Variants in MAP2K5 observed in about 807,000 individuals in gnomAD.
MAP2K5 encodes dual specificity mitogen-activated protein kinase kinase 5.
MAP2K5 carries 49 observed loss-of-function variants against 83.1 expected under a neutral mutation model. That is an observed-to-expected ratio of 0.59 (90% CI 0.47 to 0.75). The LOEUF (loss-of-function observed/expected upper bound fraction) is 0.75. MAP2K5 is among the 30% of genes least tolerant of loss of function. The pLI is 0.00. For synonymous variants in MAP2K5, 202 were observed against 191.8 expected (o/e 1.05, Z -0.44); for missense variants, 457 against 557.5 (o/e 0.82, Z 1.82).
At position 67,806,892 on chromosome 15, in the gene MAP2K5, G is replaced by T; in HGVS notation, c.*142G>T. The T allele has an allele frequency of 6.3e-7, 1 of 1,593,946 alleles. No homozygotes were observed. Among genetic ancestry groups the T allele is most frequent in the Non-Finnish European group, 8.5e-7 (1 of 1,177,974 alleles). On this transcript the variant is annotated 3_prime_UTR_variant, in exon 22 of 22. Coordinates refer to ENST00000178640, the MANE Select transcript of MAP2K5 (RefSeq NM_145160.3). ...CCCTCGCCTTCACCTCTGTCAGCAG[G>T]TGGCCTTGCCTGGGGAGCCCCATGT...
At chr15:67,751,177 C>A (rs920061931) in intron 19 of MAP2K5, among the ~76,000 whole-genome samples, 2 of 151,928 alleles carry the variant, frequency 1.3e-5, no homozygotes, top group African/African-American at 4.8e-5. Context: ...TACCAGATGT[C>A]CAAACAGAAG....
intron 16 of MAP2K5, among the ~76,000 whole-genome samples, chr15:67,716,875 C>G (rs1011188543): frequency 1.3e-5 from 2 of 152,098 alleles, no homozygotes; most frequent in African/African-American, 4.8e-5. Flanking sequence ...CAAGCTTCTC[C>G]CCACTCTGAA....
chr15:67,733,691 C>G (rs1258307781), intron 17 of MAP2K5, among the ~76,000 whole-genome samples: 1 of 152,168 alleles, frequency 6.6e-6, no homozygotes, highest in Non-Finnish European at 1.5e-5. Context: ...ACAGGGCTGT[C>G]AGGCCTGTTA....
intron 13 of MAP2K5, among the ~76,000 whole-genome samples, chr15:67,683,937 A>G (rs991197004): frequency 9.2e-5 from 14 of 152,216 alleles, no homozygotes; most frequent in Non-Finnish European, 1.2e-4. Context: ...GAGAACAGAA[A>G]CAAATGAAGT....
At chr15:67,670,356 G>A (rs2087498105) in intron 13 of MAP2K5, 2 of 453,852 alleles carry the variant, frequency 4.4e-6, no homozygotes, top group African/African-American at 2.0e-5. Flanking sequence ...GAACATTTTG[G>A]TATGTTGGAA....
At chr15:67,639,735 A>G (rs867955116) in intron 9 of MAP2K5, among the ~76,000 whole-genome samples, 1 of 152,200 alleles carries the variant, frequency 6.6e-6, no homozygotes, top group Non-Finnish European at 1.5e-5. Flanking sequence ...ATTATCTTAC[A>G]TGTTTGAATC....
intron 9 of MAP2K5, among the ~76,000 whole-genome samples, chr15:67,645,105 G>T (rs1333733097): frequency 1.3e-5 from 2 of 152,198 alleles, no homozygotes; most frequent in East Asian, 3.9e-4. Flanking sequence ...CCAGGAGACA[G>T]AGGTTGCAGT....
Position 67,728,570 on chromosome 15 carries a change from C to G in MAP2K5, c.1074+625C>G, listed in dbSNP as rs559948245. ...GCTATTTTGTGGTTTGAAAATGATT[C>G]CCCAGTTTGTGGGGGAAATAAGTGA... On this transcript the variant is annotated intron_variant, in intron 17 of 21. Transcript: ENST00000178640. Among the ~76,000 whole-genome samples the G allele has an allele frequency of 1.1e-4, 16 of 152,184 alleles. No individual in the cohort carries two copies. The South Asian group carries it at 3.3e-3, about 32-fold the overall frequency.
intron 8 of MAP2K5, among the ~76,000 whole-genome samples, chr15:67,603,924 AT>A (rs1276686697): frequency 1.3e-5 from 2 of 152,170 alleles, no homozygotes; most frequent in African/African-American, 4.8e-5. Context: ...GGCTTATTCC[AT>A]TTTTTTCTTT....
At chr15:67,718,467 A>T (rs1212028900) in intron 16 of MAP2K5, among the ~76,000 whole-genome samples, 1 of 152,164 alleles carries the variant, frequency 6.6e-6, no homozygotes, top group Non-Finnish European at 1.5e-5. Context: ...ATCATTTTTA[A>T]AAAATTTTTA....
rs1242969484 is a variant in MAP2K5 at position 67,785,421 on chromosome 15, G to T, written c.1242+12669G>T. 1.3e-5 allele frequency among the ~76,000 whole-genome samples: 2 copies of T among 152,214 alleles called. No individual in the cohort carries two copies. The highest frequency in any genetic ancestry group is 3.8e-4 in the East Asian group (2 of 5,204). ...CTACTTGTATCATTGCAGGCCAGCA[G>T]CAAGCAGTTCACAGGACGACTACTT... is the stretch of plus-strand genomic sequence containing the variant. On this transcript the variant is annotated intron_variant, in intron 21 of 21. Coordinates refer to ENST00000178640, the MANE Select transcript of MAP2K5 (RefSeq NM_145160.3). The surrounding 1 kb of genome is among the most constrained non-coding windows in gnomAD (Gnocchi z 4.4).
chr15:67,739,832 A>G (rs1028360788), intron 17 of MAP2K5, among the ~76,000 whole-genome samples: 13 of 152,280 alleles, frequency 8.5e-5, no homozygotes, highest in Admixed American at 3.9e-4. Context: ...TATTGGCTGC[A>G]ATACAACTGA....
At chr15:67,674,572 C>T (rs927276143) in intron 13 of MAP2K5, among the ~76,000 whole-genome samples, 1 of 152,054 alleles carries the variant, frequency 6.6e-6, no homozygotes, top group Non-Finnish European at 1.5e-5. Context: ...ATGAACATCT[C>T]GAGAAATTAA....
chr15:67,635,394 C>G (rs1324701184), intron 9 of MAP2K5, among the ~76,000 whole-genome samples: 3 of 152,114 alleles, frequency 2.0e-5, no homozygotes, highest in Non-Finnish European at 4.4e-5. Context: ...GCAGGATGGT[C>G]TCGAACTCCT....
chr15:67,727,115 A>G (rs1006680878), intron 16 of MAP2K5, among the ~76,000 whole-genome samples: 4 of 152,078 alleles, frequency 2.6e-5, no homozygotes, highest in African/African-American at 9.7e-5. Context: ...CAAGAGAATC[A>G]CTTGAACCCA....
chr15:67,710,143 C>G (rs962288726), intron 16 of MAP2K5, among the ~76,000 whole-genome samples: 1 of 152,118 alleles, frequency 6.6e-6, no homozygotes, highest in South Asian at 2.1e-4. Context: ...ACTACAGGTG[C>G]ACCACCGCAC....
chr15:67,732,961 G>T lies in MAP2K5; in HGVS notation c.1074+5016G>T, dbSNP rs112088622. On this transcript the variant is annotated intron_variant, in intron 17 of 21. Coordinates refer to ENST00000178640, the MANE Select transcript of MAP2K5 (RefSeq NM_145160.3). ...TGTAAGCAGATAGCTCTGTGGGGAG[G>T]GGGGGCTTAACAGCGACTGTGGGCG... 3.9e-5 allele frequency among the ~76,000 whole-genome samples: 6 copies of T among 152,182 alleles called. No individual in the cohort carries two copies. In the South Asian group the frequency reaches 1.2e-3, roughly 32 times the overall value.
At chr15:67,727,433 C>G (rs2089121619) in intron 16 of MAP2K5, among the ~76,000 whole-genome samples, 1 of 152,112 alleles carries the variant, frequency 6.6e-6, no homozygotes, top group Non-Finnish European at 1.5e-5. Flanking sequence ...AAAACTTTAA[C>G]AAATGGATGA....
intron 16 of MAP2K5, among the ~76,000 whole-genome samples, chr15:67,706,913 A>G (rs1336657094): frequency 1.3e-5 from 2 of 152,012 alleles, no homozygotes; most frequent in Non-Finnish European, 2.9e-5. Flanking sequence ...GAGAAACCCA[A>G]GGTTCTTGTG....
Sources: gnomAD v4.1 joint callset for allele counts (sites outside exome capture counted in the v4.1 genomes callset) on GRCh38, gnomAD v4.1.1 for gene constraint, Gnocchi (gnomAD v3.1) non-coding constraint, MANE v1.5 for transcripts, NCBI Gene and HGNC (gene_info 2026-07-23, HGNC 2026-07-21) for gene names.